PTBP3: variants seen among roughly 807,000 people sequenced by gnomAD.
PTBP3 encodes the protein polypyrimidine tract-binding protein 3.
PTBP3 carries 20 observed loss-of-function variants against 58.7 expected under a neutral mutation model. That is an observed-to-expected ratio of 0.34 (90% CI 0.24 to 0.50). PTBP3 has a LOEUF of 0.50. Ranked by LOEUF, PTBP3 falls within the 20% of genes least tolerant of loss-of-function variation. The probability of loss-of-function intolerance (pLI) is 0.98; values close to 1 mark genes in which losing one functional copy is unlikely to be tolerated. For synonymous variants in PTBP3, 185 were observed against 219.8 expected, an observed-to-expected ratio of 0.84 and a Z score of 1.40; for missense variants, 509 against 637.2, an observed-to-expected ratio of 0.80 and a Z score of 2.17.
At chr9:112,285,782 C>G (rs1241930010) in intron 2 of PTBP3, among the ~76,000 whole-genome samples, 2 of 152,178 alleles carry the variant, frequency 1.3e-5, no homozygotes, top group Admixed American at 6.5e-5. Context: ...CCACTCTTAG[C>G]TCATGGGAAA....
the PTBP3 span, among the ~76,000 whole-genome samples, chr9:112,378,607 G>C: frequency 6.6e-6 from 1 of 152,172 alleles, no homozygotes; most frequent in Admixed American, 6.5e-5. Context: ...TGAGAGGAGA[G>C]TAAGTTATTT....
chr9:112,327,293 C>T (rs1355657883), intron 1 of PTBP3, among the ~76,000 whole-genome samples: 1 of 151,878 alleles, frequency 6.6e-6, no homozygotes, highest in Non-Finnish European at 1.5e-5. Flanking sequence ...AGGCCGGGCA[C>T]AGTGGCTCAC....
In PTBP3 at chr9:112,275,948, G is replaced by C; in HGVS notation, c.100C>G (p.His34Asp). ...RPPCSPSRVL[H>D]LRKIPCDVTE... Reference sequence around the variant, plus strand: ...ACATCACATGGAATTTTTCGAAGATGGAGAACACGGGAAGGCGAACAGGGA... The same window carrying C: ...ACATCACATGGAATTTTTCGAAGATCGAGAACACGGGAAGGCGAACAGGGA... The change falls in exon 3 of 14, where the codon CAT becomes GAT. Residue 34 changes from histidine to aspartate, a missense_variant. This residue lies in a region of PTBP3 where 212 missense variants were observed against 215.3 expected (regional missense o/e 0.98). Transcript: ENST00000374257. The C allele has an allele frequency of 1.2e-6, 2 of 1,613,612 alleles. No homozygotes were observed. The highest frequency in any genetic ancestry group is 1.7e-6 in the Non-Finnish European group (2 of 1,179,558).
chr9:112,254,117 A>G (rs1836250021), intron 5 of PTBP3, among the ~76,000 whole-genome samples: 1 of 152,044 alleles, frequency 6.6e-6, no homozygotes, highest in South Asian at 2.1e-4. Context: ...CAGCCTCCCA[A>G]GTAGCTGGGA....
intron 5 of PTBP3, among the ~76,000 whole-genome samples, chr9:112,253,946 C>G (rs1448014686): frequency 6.6e-6 from 1 of 152,084 alleles, no homozygotes; most frequent in Non-Finnish European, 1.5e-5. Flanking sequence ...ATATTCACTC[C>G]ATTTTAAATT....
chr9:112,344,623 T>A, the PTBP3 span, among the ~76,000 whole-genome samples: 3 of 152,138 alleles, frequency 2.0e-5, no homozygotes, highest in African/African-American at 7.2e-5. Context: ...GAAAACCTGC[T>A]AAAACAATAT....
chr9:112,235,559 A>G (rs1342353695), intron 7 of PTBP3, among the ~76,000 whole-genome samples: 2 of 152,152 alleles, frequency 1.3e-5, no homozygotes, highest in African/African-American at 4.8e-5. Context: ...ATGGAGAGTC[A>G]GTTTTAGCAG....
At chr9:112,309,868 G>A (rs180759129) in intron 1 of PTBP3, among the ~76,000 whole-genome samples, 2 of 152,156 alleles carry the variant, frequency 1.3e-5, no homozygotes, top group South Asian at 2.1e-4. Flanking sequence ...CATTCATTGC[G>A]TGGCACTACC....
At chr9:112,305,260 C>CTT (rs35187927) in intron 1 of PTBP3, among the ~76,000 whole-genome samples, 4 of 130,154 alleles carry the variant, frequency 3.1e-5, no homozygotes, top group African/African-American at 2.9e-5. Flanking sequence ...CCTGAAAGGA[C>CTT]TTTTTTTTTT....
chr9:112,379,864 T>TC, the PTBP3 span: 3 of 519,308 alleles, frequency 5.8e-6, no homozygotes, highest in Admixed American at 3.9e-5. Flanking sequence ...AGGAGCCTGA[T>TC]TGTCACCGTA....
intron 7 of PTBP3, among the ~76,000 whole-genome samples, chr9:112,240,171 C>T (rs918013318): frequency 5.3e-5 from 8 of 152,086 alleles, no homozygotes; most frequent in Admixed American, 5.2e-4. Flanking sequence ...TGGGGGCATC[C>T]ACTCCAAAAG....
the PTBP3 span, among the ~76,000 whole-genome samples, chr9:112,375,382 C>A: frequency 6.6e-6 from 1 of 152,356 alleles, no homozygotes; most frequent in South Asian, 2.1e-4. Flanking sequence ...AGGTGCACTG[C>A]TGGAAGTTCT....
At chr9:112,245,905 G>C (rs1169560687) in intron 7 of PTBP3, among the ~76,000 whole-genome samples, 1 of 152,100 alleles carries the variant, frequency 6.6e-6, no homozygotes, top group African/African-American at 2.4e-5. Context: ...TGAAATAAAT[G>C]AATGAAAGTG....
upstream of PTBP3, among the ~76,000 whole-genome samples, chr9:112,338,108 A>G (rs1419587494): frequency 1.3e-5 from 2 of 152,260 alleles, no homozygotes; most frequent in African/African-American, 4.8e-5. Flanking sequence ...CCTCAAAATG[A>G]CAAAATTATA....
At chr9:112,293,205 T>C (rs1372379386) in intron 2 of PTBP3, among the ~76,000 whole-genome samples, 1 of 152,112 alleles carries the variant, frequency 6.6e-6, no homozygotes, top group Admixed American at 6.6e-5. Context: ...ATGTTAGAAG[T>C]CAAGCTAATG....
chr9:112,306,496 C>T (rs181167878), intron 1 of PTBP3, among the ~76,000 whole-genome samples: 1,614 of 151,240 alleles, frequency 0.011, 40 homozygotes, highest in Non-Finnish European at 0.01. Flanking sequence ...TCTGAATTAC[C>T]ATTGGACTTC....
the PTBP3 span, among the ~76,000 whole-genome samples, chr9:112,370,148 T>C: frequency 3.9e-5 from 6 of 152,196 alleles, no homozygotes; most frequent in African/African-American, 1.4e-4. Flanking sequence ...TAATACAATG[T>C]TTCTGCAAGG....
At position 112,221,234 on chromosome 9, in the gene PTBP3, T is replaced by C. The variant is rs1834795857; in HGVS notation, c.*2617A>G. 6.1e-6 allele frequency: 6 copies of C among 985,134 alleles called. No individual in the cohort carries two copies. Among genetic ancestry groups the C allele is most frequent in the African/African-American group, 1.7e-5 (1 of 57,334 alleles). 61.0% of individuals were successfully genotyped at this position (985,134 alleles called of 1,614,324 possible). On this transcript the variant is annotated 3_prime_UTR_variant, in exon 14 of 14. Coordinates refer to ENST00000374257, the MANE Select transcript of PTBP3 (RefSeq NM_001163788.4). Reference sequence around the variant, plus strand: ...TAATGTGCATATGTATATACAACTTTAGAAGAGTGTATTTATGTATATACA... The same window carrying C: ...TAATGTGCATATGTATATACAACTTCAGAAGAGTGTATTTATGTATATACA...
Position 112,234,836 on chromosome 9 carries a change from T to C in PTBP3, c.864A>G (p.Gly288=), listed in dbSNP as rs182116273. 15 of 1,612,356 alleles carry C rather than the reference T, an allele frequency of 9.3e-6. No individual in the cohort carries two copies. In the African/African-American group the frequency reaches 1.6e-4, roughly 17 times the overall value. The change falls in exon 8 of 14, where the codon GGA becomes GGG. Residue 288 remains glycine, a synonymous_variant. Coordinates refer to ENST00000374257, the MANE Select transcript of PTBP3 (RefSeq NM_001163788.4). The part of the protein sequence containing the change: ...AGAAGFAPAI[G]FPQATGLSVP... ...AAGAATCACCTGTAGCTTGAGGAAA[T>C]CCAATGGCTGGGGCAAATCCAGCAG...
Sources: allele counts gnomAD v4.1 joint callset (sites outside exome capture counted in the v4.1 genomes callset), GRCh38; gene constraint gnomAD v4.1.1; regional missense constraint gnomAD v4.1.1; transcripts MANE v1.5; gene names NCBI Gene and HGNC (gene_info 2026-07-23, HGNC 2026-07-21).